The following ZGPAT variants were observed in gnomAD, a reference collection of about 807,000 sequenced individuals.
The protein encoded by ZGPAT is zinc finger CCCH-type with G patch domain-containing protein.
Under a neutral mutation model 47.9 loss-of-function variants are expected in ZGPAT, and 39 were observed. The ratio of observed to expected loss-of-function variants is 0.81; its 90% CI spans 0.63 to 1.06. ZGPAT has a LOEUF of 1.06. Ranked by LOEUF, ZGPAT falls within the 50% of genes least tolerant of loss-of-function variation. The pLI, the probability that ZGPAT is intolerant of heterozygous loss-of-function variation, is 0.00. For missense variants in ZGPAT, 717 were observed against 681.4 expected (o/e 1.05, Z -0.58); for synonymous variants, 348 against 292.9 (o/e 1.19, Z -1.92).
chr20:63,709,515 T>C (rs529130348), intron 2 of ZGPAT, among the ~76,000 whole-genome samples: 287 of 152,216 alleles, frequency 1.9e-3, no homozygotes, highest in Non-Finnish European at 3.2e-3. Context: ...CGCGCACCTG[T>C]GGTCCTGGCT....
At chr20:63,715,836 A>G (rs1386689774) in intron 2 of ZGPAT, among the ~76,000 whole-genome samples, 1 of 75,318 alleles carries the variant, frequency 1.3e-5, no homozygotes, top group Non-Finnish European at 3.0e-5. Flanking sequence ...TCATATATAG[A>G]GAGAGAGAGA....
intron 2 of ZGPAT, among the ~76,000 whole-genome samples, 157 bp from the exon 3 acceptor site, chr20:63,733,044 GTGTATGTGTGCGTGTGTA>G (rs1568801014): frequency 7.9e-5 from 12 of 151,496 alleles, no homozygotes; most frequent in Admixed American, 6.6e-5. Flanking sequence ...GCATGTGTGT[GTGTATGTGTGCGTGTGTA>G]TGTGTGTGCG....
At chr20:63,712,636 C>T (rs1157820991) in intron 2 of ZGPAT, among the ~76,000 whole-genome samples, 3 of 152,126 alleles carry the variant, frequency 2.0e-5, no homozygotes, top group Non-Finnish European at 1.5e-5. Flanking sequence ...TGGCTGACGC[C>T]TGTAATCCCA....
chr20:63,732,679 T>C (rs1408383831), intron 2 of ZGPAT, among the ~76,000 whole-genome samples: 1 of 65,280 alleles, frequency 1.5e-5, no homozygotes, highest in Non-Finnish European at 2.9e-5. Flanking sequence ...TATGCCTGTG[T>C]GCATGTGTGT....
chr20:63,713,174 C>A (rs1164783394), intron 2 of ZGPAT, among the ~76,000 whole-genome samples: 6 of 151,602 alleles, frequency 4.0e-5, no homozygotes, highest in Non-Finnish European at 5.9e-5. Context: ...CGGGTTCAAG[C>A]AATTCTTCTG....
At chr20:63,725,765 T>A (rs1417204097) in intron 2 of ZGPAT, among the ~76,000 whole-genome samples, 1 of 74,542 alleles carries the variant, frequency 1.3e-5, no homozygotes, top group African/African-American at 4.3e-5. Context: ...TCTCTAAAGC[T>A]TTTTTTTTTT....
chr20:63,709,201 C>T (rs900060137), intron 2 of ZGPAT, 37 bp downstream of exon 2: 4 of 1,598,000 alleles, frequency 2.5e-6, no homozygotes, highest in African/African-American at 2.7e-5. Context: ...ACCTTAGGGG[C>T]GTAAGGGGCA....
At chr20:63,718,177 G>C (rs555951451) in intron 2 of ZGPAT, among the ~76,000 whole-genome samples, 40 of 151,862 alleles carry the variant, frequency 2.6e-4, no homozygotes, top group Non-Finnish European at 5.3e-4. Flanking sequence ...AAGAGCCACC[G>C]CACCCTGCCA....
intron 2 of ZGPAT, among the ~76,000 whole-genome samples, chr20:63,722,144 C>G (rs918863477): frequency 6.6e-6 from 1 of 152,128 alleles, no homozygotes; most frequent in Non-Finnish European, 1.5e-5. Flanking sequence ...AATGCATAAG[C>G]AGGATTCCTT....
At chr20:63,709,534 G>A (rs1476653997) in intron 2 of ZGPAT, among the ~76,000 whole-genome samples, 2 of 152,158 alleles carry the variant, frequency 1.3e-5, no homozygotes, top group African/African-American at 4.8e-5. Flanking sequence ...CTACTCAGGA[G>A]GCTGAGGCAG....
intron 2 of ZGPAT, among the ~76,000 whole-genome samples, chr20:63,725,955 C>T (rs2091841662): frequency 6.6e-6 from 1 of 151,672 alleles, no homozygotes; most frequent in Admixed American, 6.6e-5. Context: ...CCTGCCTCAG[C>T]CTCCTGAGTA....
rs757499255 is a variant in ZGPAT at position 63,735,176 on chromosome 20, G to T, written c.1009G>T (p.Glu337Ter). 6.6e-7 allele frequency: 1 copy of T among 1,520,222 alleles called. No homozygotes were observed. The allele number at this position is 1,520,222 out of a possible 1,614,324, so 94.2% of individuals were successfully genotyped here. A position where few individuals can be genotyped will look rare whatever the true frequency, so the allele number is the denominator to read the frequency against. The change falls in exon 6 of 7, where the codon GAA (glutamate) becomes TAA (stop). Residue 337 changes from glutamate to a stop codon, truncating the protein, a stop_gained. Coordinates refer to ENST00000355969, the MANE Select transcript of ZGPAT (RefSeq NM_181485.3). LOFTEE classifies it high-confidence loss of function. ...CTCCGCAGGTTTGGGCCGACACGCG[G>T]AAGGCCGGGTGGAGCCCATCCATGC... ...EFGKGLGRHA[E>*]GRVEPIHAVV...
intron 2 of ZGPAT, among the ~76,000 whole-genome samples, chr20:63,724,326 C>T (rs767263314): frequency 3.4e-5 from 5 of 146,426 alleles, no homozygotes; most frequent in African/African-American, 5.1e-5. Context: ...GATCGCACCA[C>T]TGCATTACAG....
At chr20:63,733,103 C>CGT in intron 2 of ZGPAT, 116 bp from the exon 3 acceptor site, 1 of 1,365,062 alleles carries the variant, frequency 7.3e-7, no homozygotes, top group African/African-American at 1.4e-5. Flanking sequence ...TGTATACGCA[C>CGT]GCGTGTGTGT....
chr20:63,708,823 T>A lies in ZGPAT; in HGVS notation c.243T>A (p.Ala81=), dbSNP rs755346706. 1 of 1,605,628 alleles carries A rather than the reference T, an allele frequency of 6.2e-7. No individual in the cohort carries two copies. The highest frequency in any genetic ancestry group is 1.1e-5 in the South Asian group (1 of 90,410). ...GCCAGGAAGATGCTGAGTACCAGGCTTTCCGGGAGGCCATCACTGAGGCGG... is the reference window on the plus strand; with the variant it reads ...GCCAGGAAGATGCTGAGTACCAGGCATTCCGGGAGGCCATCACTGAGGCGG... ...PGRQEDAEYQ[A]FREAITEAVE... is the part of the protein sequence containing the mutation. Residue 81 remains alanine (A), a synonymous_variant, in exon 2 of 7, where the codon GCT becomes GCA. Coordinates refer to ENST00000355969, the MANE Select transcript of ZGPAT (RefSeq NM_181485.3).
intron 2 of ZGPAT, among the ~76,000 whole-genome samples, chr20:63,729,530 G>A (rs756020991): frequency 1.3e-5 from 2 of 152,088 alleles, no homozygotes; most frequent in East Asian, 3.8e-4. Context: ...GAAATCCATC[G>A]TCTTTCTCCT....
chr20:63,736,052 CG>C lies in ZGPAT; in HGVS notation c.*137del. ...ACACTGCTGAGTGGAGACAGAGCTG[CG>C]GGGTCCCATCTGGACACTTACTTGC... On this transcript the variant is annotated 3_prime_UTR_variant, in exon 7 of 7. Coordinates refer to ENST00000355969, the MANE Select transcript of ZGPAT (RefSeq NM_181485.3). 7.5e-7 allele frequency: 1 copy of C among 1,328,972 alleles called. No homozygotes were observed. Among genetic ancestry groups the C allele is most frequent in the Non-Finnish European group, 1.0e-6 (1 of 982,370 alleles). The allele number at this position is 1,328,972 out of a possible 1,614,324, so 82.3% of individuals were successfully genotyped here. A position where few individuals can be genotyped will look rare whatever the true frequency, so the allele number is the denominator to read the frequency against.
Position 63,708,594 on chromosome 20 carries a change from GCC to G in ZGPAT, c.15_16del (p.Leu6GlyfsTer26). ...CCCTCTCTCAGCATGGACGAGGAGA[GCC>G]TGGAGTCGGCCTTGCAGACCTACCG... On this transcript the variant is annotated frameshift_variant, in exon 2 of 7. Coordinates refer to ENST00000355969, the MANE Select transcript of ZGPAT (RefSeq NM_181485.3). LOFTEE classifies it high-confidence loss of function. The G allele has an allele frequency of 6.2e-7, 1 of 1,603,094 alleles. No homozygotes were observed. Among genetic ancestry groups the G allele is most frequent in the Non-Finnish European group, 8.5e-7 (1 of 1,173,038 alleles).
At chr20:63,725,008 G>C (rs1237146904) in intron 2 of ZGPAT, among the ~76,000 whole-genome samples, 1 of 145,320 alleles carries the variant, frequency 6.9e-6, no homozygotes, top group East Asian at 2.1e-4. Context: ...TTTTGAGATG[G>C]GGTCTCGCTC....
Sources: gnomAD v4.1 joint callset for allele counts (sites outside exome capture counted in the v4.1 genomes callset) on GRCh38, gnomAD v4.1.1 for gene constraint, MANE v1.5 for transcripts, NCBI Gene and HGNC (gene_info 2026-07-23, HGNC 2026-07-21) for gene names.